The following CDH7 variants were observed in gnomAD, a reference collection of about 807,000 sequenced individuals.
CDH7 encodes the protein cadherin 7.
CDH7 carries 25 observed loss-of-function variants against 71.8 expected under a neutral mutation model. The observed-to-expected ratio is 0.35, with a 90% CI of 0.25 to 0.49. The LOEUF is 0.49. CDH7 is among the 20% of genes least tolerant of loss of function. The pLI is 0.99. For missense variants in CDH7, 862 were observed against 974.6 expected (o/e 0.88, Z 1.54); for synonymous variants, 381 against 363.8 (o/e 1.05, Z -0.54).
At chr18:65,869,612 A>T (rs999137199) in intron 11 of CDH7, among the ~76,000 whole-genome samples, 6 of 117,072 alleles carry the variant, frequency 5.1e-5, no homozygotes, top group Non-Finnish European at 9.6e-5. Flanking sequence ...TCCAGGCTGG[A>T]TGCTGTTCCT....
chr18:65,888,937 C>CT lies in CDH7; in HGVS notation c.*8046dup, dbSNP rs1568239503. 6.6e-6 allele frequency: 1 copy of CT among 152,124 alleles called. No homozygotes were observed. The highest frequency in any genetic ancestry group is 1.9e-4 in the East Asian group (1 of 5,194). 9.4% of individuals were successfully genotyped at this position (152,124 alleles called of 1,614,324 possible). On this transcript the variant is annotated 3_prime_UTR_variant, in exon 12 of 12. Transcript: ENST00000397968. ...ATTGGACTTTCCAATCTTAATTATGCTTTAGTTCCCTTACCAGGATTAGGA... is the reference window on the plus strand; with the variant it reads ...ATTGGACTTTCCAATCTTAATTATGCTTTTAGTTCCCTTACCAGGATTAGGA...
chr18:65,824,152 C>A (rs1912040300), intron 5 of CDH7, among the ~76,000 whole-genome samples: 1 of 150,812 alleles, frequency 6.6e-6, no homozygotes, highest in African/African-American at 2.4e-5. Flanking sequence ...AGTTTTCTTA[C>A]CCAGTTTTCT....
intron 5 of CDH7, 84 bp from the exon 6 acceptor site, chr18:65,824,560 C>A: frequency 2.3e-6 from 2 of 854,670 alleles, no homozygotes; most frequent in Non-Finnish European, 3.5e-6. Flanking sequence ...AGTTGTGCTA[C>A]AATGATGCCA....
At chr18:65,821,849 A>C (rs1398655260) in intron 4 of CDH7, among the ~76,000 whole-genome samples, 1 of 152,068 alleles carries the variant, frequency 6.6e-6, no homozygotes, top group African/African-American at 2.4e-5. Context: ...CCTAAAGATA[A>C]TCCTCTTTAT....
chr18:65,794,882 G>A (rs958148514), intron 2 of CDH7, among the ~76,000 whole-genome samples: 1 of 152,074 alleles, frequency 6.6e-6, no homozygotes, highest in Non-Finnish European at 1.5e-5. Flanking sequence ...AATTAGGACG[G>A]TAATGCCTAC....
chr18:65,834,308 A>C (rs984323619), intron 6 of CDH7, among the ~76,000 whole-genome samples: 3 of 152,188 alleles, frequency 2.0e-5, no homozygotes, highest in Non-Finnish European at 4.4e-5. Context: ...ATGTCTAAGA[A>C]GTCATGAATA....
intron 11 of CDH7, chr18:65,865,534 T>C (rs1285779754): frequency 6.6e-6 from 1 of 152,158 alleles, no homozygotes; most frequent in African/African-American, 2.4e-5. Flanking sequence ...TCTGTTGTAC[T>C]GAAATACAAT....
chr18:65,805,937 A>G (rs1242894239), intron 2 of CDH7, among the ~76,000 whole-genome samples: 1 of 152,220 alleles, frequency 6.6e-6, no homozygotes, highest in East Asian at 1.9e-4. Context: ...GGTGTTTTGC[A>G]ATAGCCCAAG....
intron 2 of CDH7, among the ~76,000 whole-genome samples, chr18:65,797,935 A>G (rs1349168002): frequency 6.6e-6 from 1 of 152,174 alleles, no homozygotes; most frequent in Non-Finnish European, 1.5e-5. Flanking sequence ...AGTTTGACCC[A>G]GGAAGATTTT....
intron 7 of CDH7, among the ~76,000 whole-genome samples, chr18:65,845,744 A>G (rs1199762200): frequency 2.6e-5 from 4 of 152,054 alleles, no homozygotes; most frequent in Non-Finnish European, 4.4e-5. Flanking sequence ...ACATTACTAT[A>G]TATCATAATT....
rs367806509 is a variant in CDH7 at position 65,808,697 on chromosome 18, A to G, written c.211-1007A>G. 1.3e-3 allele frequency among the ~76,000 whole-genome samples: 193 copies of G among 152,192 alleles called. 1 individual carries two copies. The highest frequency in any genetic ancestry group is 4.3e-3 in the African/African-American group (177 of 41,520). ...CCTTGGTGTTTTTTTTTCATATGTT[A>G]TATATCTTTAGCACCTTGTCTTTTA... On this transcript the variant is annotated intron_variant, in intron 2 of 11. Coordinates refer to ENST00000397968, the MANE Select transcript of CDH7 (RefSeq NM_004361.5).
intron 2 of CDH7, among the ~76,000 whole-genome samples, chr18:65,807,849 G>A (rs535457413): frequency 6.6e-6 from 1 of 151,828 alleles, no homozygotes; most frequent in Non-Finnish European, 1.5e-5. Context: ...TTGAAGATTT[G>A]GGGGGGTGAT....
intron 2 of CDH7, among the ~76,000 whole-genome samples, chr18:65,805,102 A>G (rs1233163007): frequency 6.6e-6 from 1 of 152,256 alleles, no homozygotes. Flanking sequence ...AAGAATGTAG[A>G]ACATAGTGAT....
chr18:65,761,916 G>A (rs1916202731), intron 1 of CDH7, among the ~76,000 whole-genome samples: 1 of 152,078 alleles, frequency 6.6e-6, no homozygotes, highest in Admixed American at 6.6e-5. Flanking sequence ...GTTTATGTAG[G>A]GAGGCCCTAC....
At chr18:65,850,105 A>T (rs1362556536) in intron 7 of CDH7, among the ~76,000 whole-genome samples, 2 of 150,972 alleles carry the variant, frequency 1.3e-5, no homozygotes, top group African/African-American at 4.9e-5. Flanking sequence ...TGGAGGGTGC[A>T]GTGAGCTGAG....
chr18:65,866,705 C>A (rs958767714), intron 11 of CDH7, among the ~76,000 whole-genome samples: 3 of 152,046 alleles, frequency 2.0e-5, no homozygotes, highest in African/African-American at 7.2e-5. Flanking sequence ...AATATGTTTA[C>A]GCCTATATAT....
At chr18:65,801,878 C>T (rs1175467224) in intron 2 of CDH7, among the ~76,000 whole-genome samples, 1 of 152,158 alleles carries the variant, frequency 6.6e-6, no homozygotes. Flanking sequence ...TTGGTATTTT[C>T]TAATGGACAA....
chr18:65,856,411 A>G lies in CDH7; in HGVS notation c.1236-1405A>G, dbSNP rs140545893. ...AGGAAATAAAGGCAAATTGATTTTAAGAAAATGTTGCTAGCATCAATAAAC... is the reference window on the plus strand; with the variant it reads ...AGGAAATAAAGGCAAATTGATTTTAGGAAAATGTTGCTAGCATCAATAAAC... On this transcript the variant is annotated intron_variant, in intron 7 of 11. Coordinates refer to ENST00000397968, the MANE Select transcript of CDH7 (RefSeq NM_004361.5). Among the ~76,000 whole-genome samples the G allele has an allele frequency of 3.7e-3, 568 of 152,300 alleles. 2 individuals carry two copies. Among genetic ancestry groups the G allele is most frequent in the African/African-American group, 0.013 (542 of 41,560 alleles).
Position 65,857,905 on chromosome 18 carries a change from G to A in CDH7, c.1325G>A (p.Arg442Gln). 1 of 1,613,666 alleles carries A rather than the reference G, an allele frequency of 6.2e-7. No individual in the cohort carries two copies. The highest frequency in any genetic ancestry group is 8.5e-7 in the Non-Finnish European group (1 of 1,179,706). Residue 442 changes from arginine to glutamine, a missense_variant, in exon 8 of 12, where the codon CGA (arginine) becomes CAA (glutamine). Coordinates refer to ENST00000397968, the MANE Select transcript of CDH7 (RefSeq NM_004361.5). ...GVITTAKSLD[R>Q]ETNAIHNITV... ...ATCACAACTGCCAAGTCTTTGGATC[G>A]AGAGACAAATGCTATTCACAATATC...
Sources: gnomAD v4.1 joint callset for allele counts (sites outside exome capture counted in the v4.1 genomes callset) on GRCh38, gnomAD v4.1.1 for gene constraint, MANE v1.5 for transcripts, NCBI Gene and HGNC (gene_info 2026-07-23, HGNC 2026-07-21) for gene names.